Variants in CDRT4 observed in about 807,000 individuals in gnomAD.
CDRT4 encodes CMT1A duplicated region transcript 4 protein.
For missense variants in CDRT4, 167 were observed against 193.1 expected (o/e 0.87, Z 0.80); for synonymous variants, 64 against 69.6 (o/e 0.92, Z 0.40).
chr17:15,451,735 C>A (rs1157257535), intron 2 of CDRT4, among the ~76,000 whole-genome samples: 1 of 152,206 alleles, frequency 6.6e-6, no homozygotes, highest in Non-Finnish European at 1.5e-5. Flanking sequence ...CAGGATTCAG[C>A]CTAAATGTCA....
chr17:15,457,915 C>G (rs1355322526), intron 1 of CDRT4, among the ~76,000 whole-genome samples: 3 of 152,198 alleles, frequency 2.0e-5, no homozygotes, highest in African/African-American at 7.2e-5. Flanking sequence ...CCCCACAGGA[C>G]CCAGCTTGTG....
intron 1 of CDRT4, among the ~76,000 whole-genome samples, chr17:15,459,350 GC>G (rs1157469286): frequency 6.6e-6 from 1 of 151,800 alleles, no homozygotes; most frequent in African/African-American, 2.4e-5. Context: ...TTGTCTTCAG[GC>G]CCCTCCCCAC....
intron 1 of CDRT4, among the ~76,000 whole-genome samples, chr17:15,466,602 G>A (rs1483181073): frequency 1.3e-5 from 2 of 152,082 alleles, no homozygotes; most frequent in Admixed American, 6.5e-5. Context: ...ATGGCTCACT[G>A]CAGCCTCAAA....
At chr17:15,455,793 G>A (rs906901078) in intron 1 of CDRT4, among the ~76,000 whole-genome samples, 2 of 152,296 alleles carry the variant, frequency 1.3e-5, no homozygotes, top group East Asian at 3.9e-4. Flanking sequence ...GAGTGAATTT[G>A]GAAGTGGATT....
At chr17:15,444,714 CAG>C (rs59581257) in intron 2 of CDRT4, among the ~76,000 whole-genome samples, 6,008 of 135,208 alleles carry the variant, frequency 0.044, 225 homozygotes, top group African/African-American at 0.12. Context: ...TAGCCAAGCG[CAG>C]AGAGAGAGAG....
chr17:15,448,231 A>G (rs2150790217), intron 2 of CDRT4, among the ~76,000 whole-genome samples: 1 of 152,238 alleles, frequency 6.6e-6, no homozygotes, highest in Non-Finnish European at 1.5e-5. Context: ...TGCATTTGAG[A>G]TTTTACCTAG....
intron 2 of CDRT4, among the ~76,000 whole-genome samples, chr17:15,447,051 T>G (rs1353839287): frequency 6.6e-6 from 1 of 152,146 alleles, no homozygotes; most frequent in East Asian, 1.9e-4. Flanking sequence ...TGCCTCTTAC[T>G]TTGGGATCTA....
At chr17:15,453,433 A>AT (rs1220699962) in intron 1 of CDRT4, among the ~76,000 whole-genome samples, 1 of 152,192 alleles carries the variant, frequency 6.6e-6, no homozygotes, top group African/African-American at 2.4e-5. Context: ...CAGAAATCCA[A>AT]TTAAACAAAA....
At position 15,464,042 on chromosome 17, in the gene CDRT4, T is replaced by C. The variant is rs193249656; in HGVS notation, c.-130+3418A>G. Among the ~76,000 whole-genome samples, 88 of 152,288 alleles carry C rather than the reference T, an allele frequency of 5.8e-4. 1 individual carries two copies. The highest frequency in any genetic ancestry group is 3.7e-3 in the Admixed American group (57 of 15,306). On this transcript the variant is annotated intron_variant, in intron 1 of 3. Coordinates refer to ENST00000619038, the MANE Select transcript of CDRT4 (RefSeq NM_001204477.2). This position sits in a 1 kb window ranked among gnomAD's most constrained non-coding sequence, Gnocchi z 4.5. ...CAGAGCACGGGGACCAGGAACCCAA[T>C]GCCCTCTAGGAGTATGGCATGGAGG...
chr17:15,462,398 A>G (rs1205183328), intron 1 of CDRT4, among the ~76,000 whole-genome samples: 3 of 137,936 alleles, frequency 2.2e-5, no homozygotes, highest in Non-Finnish European at 3.1e-5. Context: ...ACTGCACTCC[A>G]GCCTGGGCAA....
chr17:15,439,686 AC>A (rs1157019537), intron 3 of CDRT4, among the ~76,000 whole-genome samples: 1 of 152,166 alleles, frequency 6.6e-6, no homozygotes, highest in African/African-American at 2.4e-5. Context: ...CTTGGAACCA[AC>A]CCAAATGTCC....
chr17:15,462,656 T>C (rs1387655723), intron 1 of CDRT4, among the ~76,000 whole-genome samples: 1 of 151,998 alleles, frequency 6.6e-6, no homozygotes, highest in Non-Finnish European at 1.5e-5. Context: ...ACAAACATAA[T>C]GCTGAGTGAA....
intron 1 of CDRT4, among the ~76,000 whole-genome samples, chr17:15,463,665 C>G (rs907693783): frequency 1.7e-4 from 26 of 152,304 alleles, no homozygotes; most frequent in Admixed American, 3.9e-4. Context: ...CTGCTCCCAG[C>G]TGCCCTCTCT....
At chr17:15,446,189 C>T (rs151166582) in intron 2 of CDRT4, among the ~76,000 whole-genome samples, 1 of 152,064 alleles carries the variant, frequency 6.6e-6, no homozygotes, top group Non-Finnish European at 1.5e-5. Flanking sequence ...TCTCACAGGA[C>T]CAGCACATGT....
intron 2 of CDRT4, among the ~76,000 whole-genome samples, chr17:15,451,081 A>C (rs554824160): frequency 6.6e-6 from 1 of 152,228 alleles, no homozygotes; most frequent in African/African-American, 2.4e-5. Context: ...TAGCTCCCAT[A>C]ATCCCCACGT....
intron 2 of CDRT4, among the ~76,000 whole-genome samples, chr17:15,444,867 AT>A (rs1978946935): frequency 1.3e-5 from 2 of 152,154 alleles, no homozygotes; most frequent in African/African-American, 4.8e-5. Context: ...GCCATGAAGT[AT>A]TTCCACAACC....
intron 1 of CDRT4, among the ~76,000 whole-genome samples, chr17:15,459,928 G>C (rs1025182301): frequency 6.6e-6 from 1 of 152,078 alleles, no homozygotes; most frequent in Non-Finnish European, 1.5e-5. Flanking sequence ...GCACCTCATA[G>C]GCCTCTCTTC....
At chr17:15,456,818 C>T (rs910516135) in intron 1 of CDRT4, among the ~76,000 whole-genome samples, 2 of 152,158 alleles carry the variant, frequency 1.3e-5, no homozygotes, top group African/African-American at 4.8e-5. Context: ...CAATCCAGAA[C>T]ACAAGAACGC....
intron 1 of CDRT4, among the ~76,000 whole-genome samples, chr17:15,462,284 C>T (rs1264877498): frequency 6.6e-6 from 1 of 151,856 alleles, no homozygotes; most frequent in Non-Finnish European, 1.5e-5. Flanking sequence ...AAAAATTAGC[C>T]AGCCGTGGTG....
Sources: gnomAD v4.1 joint callset for allele counts (sites outside exome capture counted in the v4.1 genomes callset) on GRCh38, gnomAD v4.1.1 for gene constraint, Gnocchi (gnomAD v3.1) non-coding constraint, MANE v1.5 for transcripts, NCBI Gene and HGNC (gene_info 2026-07-23, HGNC 2026-07-21) for gene names.